The following MARCHF6 variants were observed in gnomAD, a reference collection of about 807,000 sequenced individuals.
The protein encoded by MARCHF6 is membrane associated ring-CH-type finger 6, also known as E3 ubiquitin-protein ligase MARCHF6.
In MARCHF6, 31 loss-of-function variants were observed where a neutral mutation model predicts 133.7. The ratio of observed to expected loss-of-function variants is 0.23; its 90% CI spans 0.17 to 0.31. The LOEUF (loss-of-function observed/expected upper bound fraction) is 0.31, where lower values mean the gene tolerates loss of function less well. MARCHF6 is among the 10% of genes least tolerant of loss of function. MARCHF6 has a pLI of 1.00. For synonymous variants in MARCHF6, 395 were observed against 402.5 expected, an observed-to-expected ratio of 0.98 and a Z score of 0.22; for missense variants, 723 against 1,121.6, an observed-to-expected ratio of 0.64 and a Z score of 5.08.
chr5:10,385,640 A>G (rs1737423225), intron 4 of MARCHF6, among the ~76,000 whole-genome samples: 1 of 152,212 alleles, frequency 6.6e-6, no homozygotes, highest in Non-Finnish European at 1.5e-5. Context: ...AAAAAGCCAG[A>G]GCAATATTAA....
chr5:10,369,533 T>A (rs1464172242), intron 1 of MARCHF6, among the ~76,000 whole-genome samples: 4 of 152,194 alleles, frequency 2.6e-5, no homozygotes, highest in African/African-American at 9.6e-5. Flanking sequence ...ATTTACCTTA[T>A]TTAATATCTA....
intron 6 of MARCHF6, 68 bp from the exon 7 acceptor site, chr5:10,391,473 TA>T: frequency 3.0e-6 from 1 of 334,678 alleles, no homozygotes. Flanking sequence ...TTAGCAGGAA[TA>T]ATGTGATTTG....
chr5:10,378,827 C>T lies in MARCHF6; in HGVS notation c.185C>T (p.Thr62Ile), dbSNP rs766552222. 13 of 1,606,640 alleles carry T rather than the reference C, an allele frequency of 8.1e-6. No individual in the cohort carries two copies. The Middle Eastern group carries it at 5.0e-4, about 61-fold the overall frequency. ...CELCKHRFAF[T>I]PIYSPDMPSR... ...TTATGCAAGCACAGATTTGCTTTTA[C>T]ACCAAGTAAGTTCTTTAGACATTTT... The change falls in exon 3 of 26, where the codon ACA (threonine) becomes ATA (isoleucine). Residue 62 changes from threonine (T) to isoleucine (I), a missense_variant. By Grantham distance (89) the Thr-to-Ile change is moderately conservative (BLOSUM62 -1). This residue lies in a region of MARCHF6 where 91 missense variants were observed against 208.8 expected (regional missense o/e 0.44). Transcript: ENST00000274140.
intron 21 of MARCHF6, 24 bp downstream of exon 21, chr5:10,415,693 G>A (rs1352159382): frequency 1.9e-6 from 3 of 1,552,496 alleles, no homozygotes; most frequent in Admixed American, 1.8e-5. Context: ...ATACAAGACT[G>A]ATCTTGTATG....
chr5:10,397,817 C>A (rs1407997144), intron 10 of MARCHF6, among the ~76,000 whole-genome samples: 1 of 152,156 alleles, frequency 6.6e-6, no homozygotes, highest in Admixed American at 6.5e-5. Flanking sequence ...CCCTTAGAAC[C>A]AGATTCCAGC....
chr5:10,375,404 C>T (rs1321543209), intron 1 of MARCHF6, among the ~76,000 whole-genome samples: 3 of 152,246 alleles, frequency 2.0e-5, no homozygotes, highest in Admixed American at 6.5e-5. Context: ...CTGGGCAGGG[C>T]TCGGGACCTG....
chr5:10,437,408 A>G lies in MARCHF6; in HGVS notation c.*3724A>G, dbSNP rs939544227. Reference sequence around the variant, plus strand: ...GACTTCCTTGGTTAAGCTGTCTTGTATTTACTTAATTTGTCCCCTCAACCA... The same window carrying G: ...GACTTCCTTGGTTAAGCTGTCTTGTGTTTACTTAATTTGTCCCCTCAACCA... On this transcript the variant is annotated 3_prime_UTR_variant, in exon 26 of 26. Coordinates refer to ENST00000274140, the MANE Select transcript of MARCHF6 (RefSeq NM_005885.4). 5.9e-5 allele frequency: 9 copies of G among 152,074 alleles called. No individual in the cohort carries two copies. Among genetic ancestry groups the G allele is most frequent in the South Asian group, 2.1e-4 (1 of 4,812 alleles). The allele number at this position is 152,074 out of a possible 1,614,324, so 9.4% of individuals were successfully genotyped here. A position where few individuals can be genotyped will look rare whatever the true frequency, so the allele number is the denominator to read the frequency against.
In MARCHF6 at chr5:10,434,829, A is replaced by T. The variant is rs1740529947; in HGVS notation, c.*1145A>T. On this transcript the variant is annotated 3_prime_UTR_variant, in exon 26 of 26. Transcript: ENST00000274140. ...CAGAATAAAACTTCAAATAAAACCA[A>T]TTCATTATTTGTCCAGAAGGAAGCT... 1 of 152,630 alleles carries T rather than the reference A, an allele frequency of 6.6e-6. No homozygotes were observed. Among genetic ancestry groups the T allele is most frequent in the South Asian group, 2.1e-4 (1 of 4,838 alleles). 9.5% of individuals were successfully genotyped at this position (152,630 alleles called of 1,614,324 possible).
chr5:10,435,668 TATATATATATATATATATATATATATA>T lies in MARCHF6; in HGVS notation c.*1985_*2011del, dbSNP rs1740607127. 4.7e-4 allele frequency: 6 copies of T among 12,730 alleles called. 1 individual carries two copies. Among genetic ancestry groups the T allele is most frequent in the Non-Finnish European group, 5.1e-4 (3 of 5,938 alleles). 0.8% of individuals were successfully genotyped at this position (12,730 alleles called of 1,614,324 possible). On this transcript the variant is annotated 3_prime_UTR_variant, in exon 26 of 26. Coordinates refer to ENST00000274140, the MANE Select transcript of MARCHF6 (RefSeq NM_005885.4). ...ATATATATATATATATATATATATA[TATATATATATATATATATATATATATA>T]TATTTTTTTTTTTTTTTTTTTTTTT... is the stretch of plus-strand genomic sequence containing the variant.
intron 24 of MARCHF6, among the ~76,000 whole-genome samples, chr5:10,428,297 CTGCAAAATATATTTCA>C (rs1183029075): frequency 9.2e-4 from 138 of 149,824 alleles, no homozygotes; most frequent in Middle Eastern, 3.5e-3. Flanking sequence ...TATATATTTC[CTGCAAAATATATTTCA>C]AAGCCCATTG....
intron 7 of MARCHF6, among the ~76,000 whole-genome samples, chr5:10,391,960 CT>C (rs533523322): frequency 1.6e-3 from 225 of 140,196 alleles, no homozygotes; most frequent in Middle Eastern, 3.8e-3. Context: ...TTACACAGGC[CT>C]TTTTTTTTTT....
At chr5:10,423,907 TTCC>T (rs2126335396) in intron 23 of MARCHF6, 83 bp downstream of exon 23, 2 of 978,308 alleles carry the variant, frequency 2.0e-6, no homozygotes, top group Admixed American at 2.3e-5. Context: ...ATTTCTTATC[TTCC>T]TACCTTGCTG....
At chr5:10,400,448 G>T (rs1221048946) in intron 10 of MARCHF6, among the ~76,000 whole-genome samples, 3 of 151,948 alleles carry the variant, frequency 2.0e-5, no homozygotes, top group Non-Finnish European at 2.9e-5. Flanking sequence ...TTATTATTTT[G>T]GACTTTTCCT....
chr5:10,387,806 A>C (rs1376536215), intron 5 of MARCHF6, among the ~76,000 whole-genome samples: 2 of 152,050 alleles, frequency 1.3e-5, no homozygotes, highest in African/African-American at 4.8e-5. Context: ...GATTACAAGC[A>C]TGTGGCAGCA....
intron 4 of MARCHF6, among the ~76,000 whole-genome samples, chr5:10,385,645 T>A (rs1737423552): frequency 6.6e-6 from 1 of 152,126 alleles, no homozygotes; most frequent in Non-Finnish European, 1.5e-5. Context: ...GCCAGAGCAA[T>A]ATTAATCAGC....
At chr5:10,416,959 A>C (rs1283645946) in intron 21 of MARCHF6, among the ~76,000 whole-genome samples, 1 of 152,226 alleles carries the variant, frequency 6.6e-6, no homozygotes, top group African/African-American at 2.4e-5. Context: ...CTCAAAGTTC[A>C]CAGATCAGCC....
At chr5:10,407,692 G>A (rs1451638919) in intron 17 of MARCHF6, among the ~76,000 whole-genome samples, 6 of 152,110 alleles carry the variant, frequency 3.9e-5, no homozygotes, top group African/African-American at 1.4e-4. Flanking sequence ...GGTGGCTCAC[G>A]CCTGTAATCC....
intron 5 of MARCHF6, among the ~76,000 whole-genome samples, chr5:10,389,712 C>T (rs1217918523): frequency 6.6e-6 from 1 of 152,176 alleles, no homozygotes; most frequent in African/African-American, 2.4e-5. Context: ...AAGTGACAAA[C>T]TTCTATAAAA....
At chr5:10,394,675 A>T (rs1486760046) in intron 8 of MARCHF6, 78 bp from the exon 9 acceptor site, 1 of 1,140,426 alleles carries the variant, frequency 8.8e-7, no homozygotes, top group Non-Finnish European at 1.3e-6. Context: ...ATTGAAAGGA[A>T]AATGAGGCTT....
Sources: gnomAD v4.1 joint callset for allele counts (sites outside exome capture counted in the v4.1 genomes callset) on GRCh38, gnomAD v4.1.1 for gene constraint, gnomAD v4.1.1 regional missense constraint, MANE v1.5 for transcripts, NCBI Gene and HGNC (gene_info 2026-07-23, HGNC 2026-07-21) for gene names.